Variants in DISC1 observed in about 807,000 individuals in gnomAD.
DISC1 encodes the protein DISC1 scaffold protein.
DISC1 carries 57 observed loss-of-function variants against 84.5 expected under a neutral mutation model. The observed-to-expected ratio is 0.67, with a 90% CI of 0.55 to 0.84. The LOEUF is 0.84. Among genes scored for constraint, DISC1 ranks in the 40% least tolerant of loss-of-function variants. The probability of loss-of-function intolerance (pLI) is 0.00; values close to 1 mark genes in which losing one functional copy is unlikely to be tolerated. For missense variants in DISC1, 1,000 were observed against 1,057.8 expected, an observed-to-expected ratio of 0.95 and a Z score of 0.76; for synonymous variants, 411 against 415.2, an observed-to-expected ratio of 0.99 and a Z score of 0.12.
At chr1:231,926,702 C>T (rs2090378040) in intron 9 of DISC1, among the ~76,000 whole-genome samples, 1 of 152,116 alleles carries the variant, frequency 6.6e-6, no homozygotes. Context: ...CTTTTACAAG[C>T]AATAGAAGAC....
intron 9 of DISC1, among the ~76,000 whole-genome samples, chr1:231,935,585 G>T (rs1448298784): frequency 6.6e-6 from 1 of 152,184 alleles, no homozygotes; most frequent in Non-Finnish European, 1.5e-5. Flanking sequence ...TGTAATCCTG[G>T]TGTTAAGGGG....
chr1:231,930,561 C>T (rs2090597187), intron 9 of DISC1, among the ~76,000 whole-genome samples: 2 of 152,128 alleles, frequency 1.3e-5, no homozygotes, highest in Non-Finnish European at 2.9e-5. Context: ...TCAAGCCAGG[C>T]AGTGGGAGCC....
intron 9 of DISC1, among the ~76,000 whole-genome samples, chr1:231,822,493 G>T (rs564647535): frequency 6.6e-6 from 1 of 152,198 alleles, no homozygotes; most frequent in Non-Finnish European, 1.5e-5. Flanking sequence ...AATGAGGTTG[G>T]AGTAGAGGCA....
chr1:231,747,513 T>G (rs1006663941), intron 3 of DISC1, among the ~76,000 whole-genome samples: 1 of 152,198 alleles, frequency 6.6e-6, no homozygotes, highest in African/African-American at 2.4e-5. Flanking sequence ...TGAAGAGACC[T>G]TCTTTTCCCC....
chr1:231,730,226 T>G (rs1016174050), intron 3 of DISC1, among the ~76,000 whole-genome samples: 1 of 152,206 alleles, frequency 6.6e-6, no homozygotes, highest in African/African-American at 2.4e-5. Flanking sequence ...AGATAAATAA[T>G]GAATGGCATT....
chr1:231,637,806 AGT>A (rs1482231636), intron 1 of DISC1, among the ~76,000 whole-genome samples: 1 of 152,154 alleles, frequency 6.6e-6, no homozygotes, highest in African/African-American at 2.4e-5. Flanking sequence ...TAAACATGTG[AGT>A]CCAGGTATTT....
At chr1:231,888,335 G>C (rs4658890) in intron 9 of DISC1, among the ~76,000 whole-genome samples, 3 of 151,882 alleles carry the variant, frequency 2.0e-5, no homozygotes, top group Non-Finnish European at 2.9e-5. Context: ...TACCATGGAT[G>C]CAGGAGTGGT....
chr1:232,005,839 AG>A (rs1244918991), intron 10 of DISC1, among the ~76,000 whole-genome samples: 1 of 152,222 alleles, frequency 6.6e-6, no homozygotes, highest in Non-Finnish European at 1.5e-5. Context: ...AGTAGAAGGA[AG>A]GGTTATTAAA....
intron 9 of DISC1, among the ~76,000 whole-genome samples, chr1:231,952,473 C>G (rs1405163732): frequency 6.6e-6 from 1 of 152,044 alleles, no homozygotes; most frequent in Admixed American, 6.6e-5. Context: ...TAAACTAGAA[C>G]TACCACAGAT....
chr1:231,808,394 T>C (rs753421879), intron 8 of DISC1, among the ~76,000 whole-genome samples: 3 of 152,206 alleles, frequency 2.0e-5, no homozygotes, highest in Admixed American at 2.0e-4. Context: ...AACTGCAACC[T>C]GGCCTTGGCC....
intron 8 of DISC1, among the ~76,000 whole-genome samples, chr1:231,817,515 G>A (rs914929529): frequency 1.2e-4 from 18 of 152,176 alleles, no homozygotes; most frequent in Admixed American, 1.1e-3. Context: ...AACTTCCAGT[G>A]TATGTATACA....
intron 7 of DISC1, among the ~76,000 whole-genome samples, chr1:231,795,567 A>G (rs1254291309): frequency 2.0e-5 from 3 of 152,232 alleles, no homozygotes; most frequent in Admixed American, 2.0e-4. Context: ...AAGGACTGCC[A>G]CTATGCATAT....
chr1:231,731,939 A>G (rs1192467968), intron 3 of DISC1, among the ~76,000 whole-genome samples: 1 of 152,202 alleles, frequency 6.6e-6, no homozygotes, highest in Non-Finnish European at 1.5e-5. Flanking sequence ...TTTCACTGTC[A>G]AGGAGACTGA....
chr1:231,940,902 T>C (rs2091292077), intron 9 of DISC1: 1 of 152,212 alleles, frequency 6.6e-6, no homozygotes, highest in South Asian at 2.1e-4. Flanking sequence ...GCAGGGAGCT[T>C]TAACATTCTT....
intron 4 of DISC1, among the ~76,000 whole-genome samples, chr1:231,762,208 CTTTTCTCTTCTTTTCTT>C (rs1558498013): frequency 1.4e-4 from 14 of 101,926 alleles, no homozygotes; most frequent in South Asian, 3.6e-4. Flanking sequence ...CTTTTCTTTT[CTTTTCTCTTCTTTTCTT>C]TTCTTTTCTT....
At chr1:231,795,380 C>T in intron 7 of DISC1, 84 bp downstream of exon 7, 1 of 1,223,342 alleles carries the variant, frequency 8.2e-7, no homozygotes, top group East Asian at 2.4e-5. Flanking sequence ...CTTAGGATAC[C>T]TGGCTTCTGC....
At chr1:231,944,229 G>T (rs1237377134) in intron 9 of DISC1, among the ~76,000 whole-genome samples, 1 of 152,186 alleles carries the variant, frequency 6.6e-6, no homozygotes, top group Non-Finnish European at 1.5e-5. Context: ...CAGCATGTGT[G>T]TCTGAGTTTT....
rs1390018700 is a variant in DISC1, at chr1:231,767,271, T to G, written c.1398+2T>G. The G allele has an allele frequency of 6.2e-7, 1 of 1,614,036 alleles. No homozygotes were observed. Among genetic ancestry groups the G allele is most frequent in the African/African-American group, 1.3e-5 (1 of 74,932 alleles). On this transcript the variant is annotated splice_donor_variant, in intron 5 of 12. Coordinates refer to ENST00000439617, the MANE Select transcript of DISC1 (RefSeq NM_018662.3). LOFTEE classifies it high-confidence loss of function. ...CTTCAGGAAAAGCAGCAGCTACAGG[T>G]GAGCAGGTGAAAGATCTTCAAGAAA... is the stretch of plus-strand genomic sequence containing the variant.
At chr1:231,942,679 A>T (rs2091420978) in intron 9 of DISC1, among the ~76,000 whole-genome samples, 1 of 152,150 alleles carries the variant, frequency 6.6e-6, no homozygotes, top group Non-Finnish European at 1.5e-5. Context: ...AAAATAAAGT[A>T]AAATAAATAA....
Sources: allele counts gnomAD v4.1 joint callset (sites outside exome capture counted in the v4.1 genomes callset), GRCh38; gene constraint gnomAD v4.1.1; transcripts MANE v1.5; gene names NCBI Gene and HGNC (gene_info 2026-07-23, HGNC 2026-07-21).